HIF3A: variants seen among roughly 807,000 people sequenced by gnomAD.
HIF3A encodes the protein hypoxia inducible factor 3 subunit alpha.
HIF3A carries 41 observed loss-of-function variants against 67.2 expected under a neutral mutation model. The ratio of observed to expected loss-of-function variants is 0.61; its 90% CI spans 0.48 to 0.79. The LOEUF is 0.79. Ranked by LOEUF, HIF3A falls within the 30% of genes least tolerant of loss-of-function variation. HIF3A has a pLI of 0.00. For missense variants in HIF3A, 855 were observed against 898.0 expected (o/e 0.95, Z 0.61); for synonymous variants, 356 against 374.8 (o/e 0.95, Z 0.58).
intron 12 of HIF3A, among the ~76,000 whole-genome samples, chr19:46,329,980 A>G (rs962006245): frequency 5.8e-5 from 7 of 121,244 alleles, no homozygotes; most frequent in Non-Finnish European, 1.0e-4. Flanking sequence ...AAAAAAAGAT[A>G]GAGAGAGAGA....
chr19:46,298,454 G>A lies in HIF3A; in HGVS notation c.26+1352G>A, dbSNP rs998756218. ...CGTAACTCGCACCCGGGTCCTGGCT[G>A]CACCGCATCCCCTCCTGCACCCCCT... On this transcript the variant is annotated intron_variant, in intron 1 of 14. Coordinates refer to ENST00000377670, the MANE Select transcript of HIF3A (RefSeq NM_152795.4). The A allele has an allele frequency of 2.2e-5, 28 of 1,288,188 alleles. No individual in the cohort carries two copies. In the East Asian group the frequency reaches 1.5e-3, roughly 67 times the overall value. 79.8% of individuals were successfully genotyped at this position (1,288,188 alleles called of 1,614,324 possible).
chr19:46,325,507 C>T (rs1366618106), intron 10 of HIF3A, 28 bp from the exon 11 acceptor site: 5 of 1,534,442 alleles, frequency 3.3e-6, no homozygotes, highest in Non-Finnish European at 4.5e-6. Context: ...TCAAGATTTC[C>T]TGAAGTTTCT....
At chr19:46,327,458 G>C (rs1042779553) in intron 11 of HIF3A, among the ~76,000 whole-genome samples, 2 of 152,026 alleles carry the variant, frequency 1.3e-5, no homozygotes, top group Admixed American at 6.6e-5. Flanking sequence ...TGGGACTACA[G>C]GTGCCCACTA....
intron 1 of HIF3A, chr19:46,298,214 A>ACCCCC: frequency 5.6e-6 from 1 of 177,430 alleles, no homozygotes; most frequent in Non-Finnish European, 1.1e-5. Context: ...AACCGCCCCC[A>ACCCCC]TCCTCTCCCC....
chr19:46,309,815 A>G (rs1460779711), intron 6 of HIF3A, among the ~76,000 whole-genome samples: 2 of 152,124 alleles, frequency 1.3e-5, no homozygotes, highest in African/African-American at 4.8e-5. Flanking sequence ...GGCCAGGCAC[A>G]GTGGCTCACA....
chr19:46,328,866 A>G (rs1970977034), intron 11 of HIF3A, among the ~76,000 whole-genome samples: 1 of 152,128 alleles, frequency 6.6e-6, no homozygotes, highest in Admixed American at 6.5e-5. Context: ...AACTACAGGC[A>G]TGGGCCACCA....
chr19:46,339,652 T>G lies in HIF3A; in HGVS notation c.*30T>G. On this transcript the variant is annotated 3_prime_UTR_variant, in exon 15 of 15. Transcript: ENST00000377670. ...GCTCCTCTCCCCATCTGCCTTCTCC[T>G]CCCCCAGAAAGGACCTCAACCACAC... 1 of 1,509,438 alleles carries G rather than the reference T, an allele frequency of 6.6e-7. No individual in the cohort carries two copies. The highest frequency in any genetic ancestry group is 9.0e-7 in the Non-Finnish European group (1 of 1,105,328). The allele number at this position is 1,509,438 out of a possible 1,614,324, so 93.5% of individuals were successfully genotyped here.
chr19:46,312,881 A>AT lies in HIF3A; in HGVS notation c.1025+228_1025+229insT, dbSNP rs1568516507. The AT allele has an allele frequency of 8.0e-5, 76 of 944,370 alleles. 1 individual carries two copies. In the African/African-American group the frequency reaches 1.6e-3, roughly 20 times the overall value. The allele number at this position is 944,370 out of a possible 1,614,324, so 58.5% of individuals were successfully genotyped here. A position where few individuals can be genotyped will look rare whatever the true frequency, so the allele number is the denominator to read the frequency against. On this transcript the variant is annotated intron_variant, in intron 8 of 14. Transcript: ENST00000377670. ...TATGTGTATGGGTGTGTAGACTGTTAATTTTTTTTTTTTTTTTTTTTTTTT... is the reference window on the plus strand; with the variant it reads ...TATGTGTATGGGTGTGTAGACTGTTATATTTTTTTTTTTTTTTTTTTTTTTT...
intron 1 of HIF3A, among the ~76,000 whole-genome samples, chr19:46,302,398 G>C (rs1323793391): frequency 6.6e-6 from 1 of 151,892 alleles, no homozygotes; most frequent in Admixed American, 6.6e-5. Flanking sequence ...CCAAAGTGCT[G>C]GGATTACAGG....
intron 10 of HIF3A, among the ~76,000 whole-genome samples, chr19:46,325,188 G>A (rs1045303522): frequency 2.6e-5 from 4 of 151,622 alleles, no homozygotes; most frequent in African/African-American, 9.7e-5. Context: ...GTAGAGACAG[G>A]GTTTCACCCT....
At position 46,304,052 on chromosome 19, in the gene HIF3A, A is replaced by G. The variant is rs766837195; in HGVS notation, c.181A>G (p.Ile61Val). ...CAAGGCCTCTATCATGCGCCTCACC[A>G]TCAGCTACCTGCGCATGCACCGCCT... is the stretch of plus-strand genomic sequence containing the variant. The part of the protein sequence containing the change: ...LDKASIMRLT[I>V]SYLRMHRLCA... The change falls in exon 2 of 15, where the codon ATC becomes GTC. Residue 61 changes from isoleucine to valine, a missense_variant. By Grantham distance (29) the Ile-to-Val change is conservative. Transcript: ENST00000377670. 4.2e-5 allele frequency: 66 copies of G among 1,583,946 alleles called. No homozygotes were observed. The highest frequency in any genetic ancestry group is 5.4e-5 in the Non-Finnish European group (63 of 1,165,982).
intron 3 of HIF3A, chr19:46,306,697 G>A (rs1368535077): frequency 1.3e-5 from 2 of 151,960 alleles, no homozygotes; most frequent in Admixed American, 6.6e-5. Context: ...TCTCTGCCTC[G>A]TTACCCCACT....
intron 8 of HIF3A, among the ~76,000 whole-genome samples, chr19:46,316,385 T>G (rs903899627): frequency 6.6e-6 from 1 of 152,170 alleles, no homozygotes; most frequent in African/African-American, 2.4e-5. Context: ...CTTTTAGTCA[T>G]TCTAATAGAT....
chr19:46,334,982 C>T lies in HIF3A; in HGVS notation c.1908C>T (p.Pro636=), dbSNP rs1336195513. Residue 636 remains proline, a synonymous_variant, in exon 14 of 15, where the codon CCC becomes CCT. Coordinates refer to ENST00000377670, the MANE Select transcript of HIF3A (RefSeq NM_152795.4). ...PSTPLLNLNE[P]LGLGPSLLSP... is the part of the protein sequence containing the mutation. ...CCCCACTCCTGAACCTGAATGAGCC[C>T]CTGGGTGAGTAGCAACCTGGGTATC... The T allele has an allele frequency of 1.9e-6, 3 of 1,602,850 alleles. No individual in the cohort carries two copies. Among genetic ancestry groups the T allele is most frequent in the African/African-American group, 2.7e-5 (2 of 74,788 alleles).
intron 8 of HIF3A, among the ~76,000 whole-genome samples, chr19:46,313,742 T>G (rs568699987): frequency 2.5e-4 from 37 of 150,086 alleles, no homozygotes; most frequent in African/African-American, 7.8e-4. Context: ...CTCGGCTCAC[T>G]TCAACCTCTG....
intron 3 of HIF3A, among the ~76,000 whole-genome samples, chr19:46,306,971 TTC>T (rs1968906805): frequency 6.6e-6 from 1 of 152,208 alleles, no homozygotes; most frequent in Non-Finnish European, 1.5e-5. Flanking sequence ...GAATTGGGTT[TTC>T]TGCCTGCCAG....
intron 1 of HIF3A, among the ~76,000 whole-genome samples, chr19:46,298,744 C>T (rs905495646): frequency 1.3e-5 from 2 of 152,160 alleles, no homozygotes; most frequent in African/African-American, 4.8e-5. Flanking sequence ...GAGAGACTCC[C>T]CCAGACCCCC....
chr19:46,305,510 A>T (rs548076063), intron 3 of HIF3A, 120 bp downstream of exon 3: 1 of 987,094 alleles, frequency 1.0e-6, no homozygotes, highest in African/African-American at 1.6e-5. Context: ...GGATATAGGT[A>T]TGTCACTAGA....
In HIF3A at chr19:46,309,237, G is replaced by T. The variant is rs372672078; in HGVS notation, c.648G>T (p.Leu216=). 8.1e-6 allele frequency: 13 copies of T among 1,613,944 alleles called. No individual in the cohort carries two copies. The highest frequency in any genetic ancestry group is 1.0e-5 in the Non-Finnish European group (12 of 1,179,974). ...GGAGCCCTGACTCAGAGCCCCCGCT[G>T]CAGTGCCTGGTGCTCATCTGCGAAG... ...PAGSPDSEPP[L]QCLVLICEAI... Residue 216 remains leucine (L), a synonymous_variant, in exon 6 of 15, where the codon CTG becomes CTT. Coordinates refer to ENST00000377670, the MANE Select transcript of HIF3A (RefSeq NM_152795.4).
Sources: gnomAD v4.1 joint callset for allele counts (sites outside exome capture counted in the v4.1 genomes callset) on GRCh38, gnomAD v4.1.1 for gene constraint, MANE v1.5 for transcripts, NCBI Gene and HGNC (gene_info 2026-07-23, HGNC 2026-07-21) for gene names.